The following SPEG variants were observed in gnomAD, a reference collection of about 807,000 sequenced individuals.
SPEG encodes the protein striated muscle enriched protein kinase, also known as striated muscle preferentially expressed protein kinase.
Under a neutral mutation model 300.4 loss-of-function variants are expected in SPEG, and 114 were observed. The ratio of observed to expected loss-of-function variants is 0.38; its 90% CI spans 0.33 to 0.44. The LOEUF (loss-of-function observed/expected upper bound fraction) is 0.44, where lower values mean the gene tolerates loss of function less well. SPEG is among the 20% of genes least tolerant of loss of function. The pLI is 1.00. For synonymous variants in SPEG, 1,964 were observed against 2,018.9 expected (o/e 0.97, Z 0.73); for missense variants, 4,201 against 4,586.2 (o/e 0.92, Z 2.43).
intron 31 of SPEG, among the ~76,000 whole-genome samples, chr2:219,486,324 C>T (rs1693416945): frequency 6.6e-6 from 1 of 152,228 alleles, no homozygotes; most frequent in Non-Finnish European, 1.5e-5. Flanking sequence ...GGAGCGAGTC[C>T]ATGAAGCCAG....
chr2:219,454,286 C>T (rs1324129543), intron 6 of SPEG, among the ~76,000 whole-genome samples: 2 of 152,200 alleles, frequency 1.3e-5, no homozygotes, highest in African/African-American at 2.4e-5. Flanking sequence ...AGCTGGTCCT[C>T]ACCAGCTCCC....
chr2:219,451,724 C>A lies in SPEG; in HGVS notation c.2357C>A (p.Ala786Glu). The A allele has an allele frequency of 6.4e-7, 1 of 1,564,086 alleles. No homozygotes were observed. Among genetic ancestry groups the A allele is most frequent in the East Asian group, 2.4e-5 (1 of 41,988 alleles). ...RHTLLLREAR[A>E]ADAGSYMATA... Reference sequence around the variant, plus strand: ...ACCCTGCTGCTCAGGGAGGCCAGGGCAGCAGATGCCGGGAGCTATATGGCC... The same window carrying A: ...ACCCTGCTGCTCAGGGAGGCCAGGGAAGCAGATGCCGGGAGCTATATGGCC... Residue 786 changes from alanine to glutamate, a missense_variant, in exon 6 of 41, where the codon GCA becomes GAA. By Grantham distance (107) the Ala-to-Glu change is moderately radical. Around this residue, in one of 4 missense-constraint regions of SPEG, gnomAD observed 1,258 missense variants for 1,293.9 expected, o/e 0.97. Transcript: ENST00000312358. This position sits in a 1 kb window ranked among gnomAD's most constrained non-coding sequence, Gnocchi z 6.4.
At chr2:219,487,807 G>A (rs1693581730) in intron 31 of SPEG, among the ~76,000 whole-genome samples, 1 of 152,242 alleles carries the variant, frequency 6.6e-6, no homozygotes, top group African/African-American at 2.4e-5. Flanking sequence ...GTGCCCCAGA[G>A]AGGGTAGGTC....
At position 219,484,216 on chromosome 2, in the gene SPEG, C is replaced by T. The variant is rs750938338; in HGVS notation, c.6753C>T (p.Ser2251=). The change falls in exon 30 of 41, where the codon TCC becomes TCT. Residue 2251 remains serine, a synonymous_variant. Transcript: ENST00000312358. ...CACCCTATGCTCAGATCATTCAGTC[C>T]CTCCAGCTGTCAGGCCACGCCCAGG... is the stretch of plus-strand genomic sequence containing the variant. ...PLTPYAQIIQ[S]LQLSGHAQGP... 1.2e-6 allele frequency: 2 copies of T among 1,612,454 alleles called. No homozygotes were observed. Among genetic ancestry groups the T allele is most frequent in the Non-Finnish European group, 8.5e-7 (1 of 1,179,888 alleles).
intron 1 of SPEG, among the ~76,000 whole-genome samples, chr2:219,437,932 T>C (rs1004468536): frequency 3.9e-5 from 6 of 152,218 alleles, no homozygotes; most frequent in Non-Finnish European, 8.8e-5. Flanking sequence ...AGCAAGGACC[T>C]GGCTGCAGAC....
rs377617283 is a variant in SPEG, at chr2:219,449,950, C to G, written c.2113+679C>G. On this transcript the variant is annotated intron_variant, in intron 4 of 40. Coordinates refer to ENST00000312358, the MANE Select transcript of SPEG (RefSeq NM_005876.5). ...ACAGGAGAATGGCTCTGCACCCCAC[C>G]CCTCATCCTGCACATCAACTCGAGG... 5.3e-5 allele frequency among the ~76,000 whole-genome samples: 8 copies of G among 152,230 alleles called. No individual in the cohort carries two copies. The East Asian group carries it at 1.5e-3, about 29-fold the overall frequency.
Position 219,479,345 on chromosome 2 carries a change from G to A in SPEG, c.5085+144G>A. ...GGTGGAGAGCACTGTTAGGTAGGCA[G>A]CAGAGTCCCCACCCAATGATACCAG... On this transcript the variant is annotated intron_variant, in intron 23 of 40. Transcript: ENST00000312358. This position sits in a 1 kb window ranked among gnomAD's most constrained non-coding sequence, Gnocchi z 5.5. The A allele has an allele frequency of 4.5e-6, 3 of 674,144 alleles. No homozygotes were observed. In the South Asian group the frequency reaches 4.9e-5, roughly 11 times the overall value. The allele number at this position is 674,144 out of a possible 1,614,324, so 41.8% of individuals were successfully genotyped here. A position where few individuals can be genotyped will look rare whatever the true frequency, so the allele number is the denominator to read the frequency against.
At position 219,484,938 on chromosome 2, in the gene SPEG, G is replaced by T. The variant is rs1427721693; in HGVS notation, c.7475G>T (p.Arg2492Leu). Residue 2492 changes from arginine (R) to leucine (L), a missense_variant, in exon 30 of 41, where the codon CGC becomes CTC. Physicochemically the swap from Arg to Leu is moderately radical, Grantham distance 102. Transcript: ENST00000312358. ...GRSTPLFGRL[R>L]RATSEGESLR... ...AGCACGCCGCTGTTCGGACGGCTTC[G>T]CAGGGCCACGTCCGAGGGCGAGAGT... The T allele has an allele frequency of 1.3e-6, 2 of 1,529,058 alleles. No homozygotes were observed. Among genetic ancestry groups the T allele is most frequent in the South Asian group, 1.2e-5 (1 of 83,734 alleles). 94.7% of individuals were successfully genotyped at this position (1,529,058 alleles called of 1,614,324 possible).
chr2:219,446,047 T>G (rs1575048395), intron 3 of SPEG, among the ~76,000 whole-genome samples: 1 of 131,280 alleles, frequency 7.6e-6, no homozygotes, highest in Non-Finnish European at 1.6e-5. Context: ...TGGTTTGTGA[T>G]GGGTATGGGT....
rs770191489 is a variant in SPEG, at chr2:219,483,710, A to C, written c.6247A>C (p.Lys2083Gln). 2.0e-6 allele frequency: 3 copies of C among 1,534,054 alleles called. No individual in the cohort carries two copies. The South Asian group carries it at 3.6e-5, about 18-fold the overall frequency. The change falls in exon 30 of 41, where the codon AAG becomes CAG. Residue 2083 changes from lysine to glutamine, a missense_variant. Physicochemically the swap from Lys to Gln is moderately conservative, Grantham distance 53. Coordinates refer to ENST00000312358, the MANE Select transcript of SPEG (RefSeq NM_005876.5). The part of the protein sequence containing the change: ...RLLRGGPEDG[K>Q]VSGLRGPLLE... ...GCTGCGGGGAGGCCCCGAGGATGGC[A>C]AGGTCAGCGGCCTCAGGGGTCCCCT...
chr2:219,451,071 C>T lies in SPEG; in HGVS notation c.2114-65C>T, dbSNP rs1297104705. The stretch of plus-strand genomic sequence containing the variant: ...TTCTAGGATGCAGGCCACCAGGACT[C>T]TCTCTCCCGCTGTCATCCCTGCAGG... On this transcript the variant is annotated intron_variant, in intron 4 of 40. Coordinates refer to ENST00000312358, the MANE Select transcript of SPEG (RefSeq NM_005876.5). The surrounding 1 kb of genome is among the most constrained non-coding windows in gnomAD (Gnocchi z 6.4). 19 of 1,452,700 alleles carry T rather than the reference C, an allele frequency of 1.3e-5. 2 individuals are homozygous for T. The East Asian group carries it at 4.1e-4, about 32-fold the overall frequency. 90.0% of individuals were successfully genotyped at this position (1,452,700 alleles called of 1,614,324 possible). A position where few individuals can be genotyped will look rare whatever the true frequency, so the allele number is the denominator to read the frequency against.
Position 219,492,896 on chromosome 2 carries a change from C to T in SPEG, c.*110C>T, listed in dbSNP as rs1694108700. On this transcript the variant is annotated 3_prime_UTR_variant, in exon 41 of 41. Transcript: ENST00000312358. Reference sequence around the variant, plus strand: ...GCGGGCCTGGGGCTTCGGTTACCACCAGCAGCAACATCTGGCTGGGCTCTT... The same window carrying T: ...GCGGGCCTGGGGCTTCGGTTACCACTAGCAGCAACATCTGGCTGGGCTCTT... The T allele has an allele frequency of 1.8e-6, 2 of 1,088,532 alleles. No individual in the cohort carries two copies. The highest frequency in any genetic ancestry group is 1.6e-5 in the African/African-American group (1 of 64,504). 67.4% of individuals were successfully genotyped at this position (1,088,532 alleles called of 1,614,324 possible).
chr2:219,491,756 C>T (rs1289393076), intron 38 of SPEG, 38 bp from the exon 39 acceptor site: 2 of 1,587,766 alleles, frequency 1.3e-6, no homozygotes, highest in African/African-American at 1.3e-5. Flanking sequence ...TCCCTGCCAC[C>T]AGGAAGCTGG....
At position 219,462,064 on chromosome 2, in the gene SPEG, C is replaced by T. The variant is rs766400951; in HGVS notation, c.2616+7C>T. Reference sequence around the variant, plus strand: ...GGCACCCCCCACCTTCAAGGTCAGACCCCTGAGGCTGGGGCCTAGCCTCCT... The same window carrying T: ...GGCACCCCCCACCTTCAAGGTCAGATCCCTGAGGCTGGGGCCTAGCCTCCT... On this transcript the variant is annotated splice_region_variant and intron_variant, in intron 7 of 40. Transcript: ENST00000312358. 1.3e-6 allele frequency: 2 copies of T among 1,593,040 alleles called. No individual in the cohort carries two copies. The highest frequency in any genetic ancestry group is 1.8e-5 in the Admixed American group (1 of 54,460).
intron 6 of SPEG, among the ~76,000 whole-genome samples, chr2:219,453,945 G>A (rs1184241147): frequency 1.3e-5 from 2 of 152,342 alleles, no homozygotes; most frequent in East Asian, 3.9e-4. Flanking sequence ...GTGGGGCCAG[G>A]GGAGGGAGTC....
At chr2:219,461,325 G>A (rs1690672007) in intron 6 of SPEG, 5 of 988,182 alleles carry the variant, frequency 5.1e-6, no homozygotes, top group East Asian at 2.3e-4. Flanking sequence ...TGCACGGCAG[G>A]AAGCTGAGAA....
intron 13 of SPEG, among the ~76,000 whole-genome samples, chr2:219,470,750 A>G (rs928834335): frequency 2.0e-5 from 3 of 150,638 alleles, no homozygotes; most frequent in Non-Finnish European, 4.4e-5. Flanking sequence ...TTGGAATCAC[A>G]TGGTACCAAG....
intron 1 of SPEG, chr2:219,441,871 C>T: frequency 1.5e-5 from 3 of 202,342 alleles, no homozygotes; most frequent in South Asian, 9.3e-5. Context: ...CCGCCGCCGC[C>T]GCTGCTGCCG....
rs757736232 is a variant in SPEG, at chr2:219,444,068, C to T, written c.389-585C>T. 6 of 1,364,420 alleles carry T rather than the reference C, an allele frequency of 4.4e-6. No individual in the cohort carries two copies. The highest frequency in any genetic ancestry group is 9.1e-5 in the East Asian group (2 of 21,916). 84.5% of individuals were successfully genotyped at this position (1,364,420 alleles called of 1,614,324 possible). A position where few individuals can be genotyped will look rare whatever the true frequency, so the allele number is the denominator to read the frequency against. On this transcript the variant is annotated intron_variant, in intron 1 of 40. Coordinates refer to ENST00000312358, the MANE Select transcript of SPEG (RefSeq NM_005876.5). This position sits in a 1 kb window ranked among gnomAD's most constrained non-coding sequence, Gnocchi z 7.8. Reference sequence around the variant, plus strand: ...CAGAAAGCAAAGTTACGGTAGGAAACTGGCTCCTGCTCTAGCCCCCCGCAT... The same window carrying T: ...CAGAAAGCAAAGTTACGGTAGGAAATTGGCTCCTGCTCTAGCCCCCCGCAT...
Sources: gnomAD v4.1 joint callset for allele counts (sites outside exome capture counted in the v4.1 genomes callset) on GRCh38, gnomAD v4.1.1 for gene constraint, gnomAD v4.1.1 regional missense constraint, Gnocchi (gnomAD v3.1) non-coding constraint, MANE v1.5 for transcripts, NCBI Gene and HGNC (gene_info 2026-07-23, HGNC 2026-07-21) for gene names.